Variants in IQCH observed in about 807,000 individuals in gnomAD.
IQCH encodes IQ domain-containing protein H.
In IQCH, 98 loss-of-function variants were observed where a neutral mutation model predicts 117.0. The ratio of observed to expected loss-of-function variants is 0.84; its 90% CI spans 0.71 to 0.99. The LOEUF is 0.99. IQCH is among the 50% of genes least tolerant of loss of function. The pLI is 0.00. For missense variants in IQCH, 1,102 were observed against 1,243.8 expected (o/e 0.89, Z 1.72); for synonymous variants, 412 against 448.2 (o/e 0.92, Z 1.02).
intron 4 of IQCH, among the ~76,000 whole-genome samples, chr15:67,308,205 T>C (rs1459404128): frequency 6.6e-6 from 1 of 152,198 alleles, no homozygotes; most frequent in East Asian, 1.9e-4. Flanking sequence ...TACTTCCTTC[T>C]GTGCTGCTTC....
chr15:67,298,168 G>A (rs1418808349), intron 4 of IQCH, among the ~76,000 whole-genome samples: 2 of 151,830 alleles, frequency 1.3e-5, no homozygotes, highest in African/African-American at 4.8e-5. Flanking sequence ...AATTAGCCAG[G>A]TGTGGTGTCG....
At chr15:67,326,736 G>A (rs893281532) in intron 4 of IQCH, among the ~76,000 whole-genome samples, 1 of 152,054 alleles carries the variant, frequency 6.6e-6, no homozygotes, top group Non-Finnish European at 1.5e-5. Context: ...TCTACAAGCA[G>A]CTTATAGAAA....
At chr15:67,313,293 A>C (rs1967689720) in intron 4 of IQCH, among the ~76,000 whole-genome samples, 1 of 152,144 alleles carries the variant, frequency 6.6e-6, no homozygotes, top group Admixed American at 6.5e-5. Flanking sequence ...TCCTGCTCTC[A>C]ATTCTGGTGC....
intron 4 of IQCH, among the ~76,000 whole-genome samples, chr15:67,336,710 G>A (rs1444630961): frequency 6.6e-6 from 1 of 152,040 alleles, no homozygotes. Flanking sequence ...AATCTTAATA[G>A]TTCTTTTATT....
At chr15:67,294,699 C>T (rs1271740602) in intron 4 of IQCH, among the ~76,000 whole-genome samples, 1 of 152,190 alleles carries the variant, frequency 6.6e-6, no homozygotes, top group East Asian at 1.9e-4. Flanking sequence ...AGGAACTGGG[C>T]CCCCAGTGGC....
In IQCH at chr15:67,407,257, A is replaced by G. The variant is rs1971946280; in HGVS notation, c.2097+6952A>G. ...TGAGTTGAATAAAGAGGCTTGACAA[A>G]GTAGAGATTATTCTGACCGGAAGAT... On this transcript the variant is annotated intron_variant, in intron 14 of 20. Transcript: ENST00000335894. The surrounding 1 kb of genome is among the most constrained non-coding windows in gnomAD (Gnocchi z 5.3). 6.6e-6 allele frequency: 1 copy of G among 152,238 alleles called. No individual in the cohort carries two copies. The highest frequency in any genetic ancestry group is 1.5e-5 in the Non-Finnish European group (1 of 68,044). The allele number at this position is 152,238 out of a possible 1,614,324, so 9.4% of individuals were successfully genotyped here.
intron 7 of IQCH, among the ~76,000 whole-genome samples, chr15:67,357,962 G>A (rs930735967): frequency 5.3e-5 from 8 of 151,804 alleles, no homozygotes; most frequent in South Asian, 2.1e-4. Flanking sequence ...GGGTTCAAGC[G>A]ATTCTCACGT....
chr15:67,433,877 C>T lies in IQCH; in HGVS notation c.2505+12300C>T, dbSNP rs1463135365. Among the ~76,000 whole-genome samples, 4 of 152,188 alleles carry T rather than the reference C, an allele frequency of 2.6e-5. No individual in the cohort carries two copies. Among genetic ancestry groups the T allele is most frequent in the African/African-American group, 9.7e-5 (4 of 41,446 alleles). ...AAGTTGTTTCTAGTTCCAGCTGTCACCTGTGGTCAAGACTTTTTATGTGAT... is the reference window on the plus strand; with the variant it reads ...AAGTTGTTTCTAGTTCCAGCTGTCATCTGTGGTCAAGACTTTTTATGTGAT... On this transcript the variant is annotated intron_variant, in intron 16 of 20. Coordinates refer to ENST00000335894, the MANE Select transcript of IQCH (RefSeq NM_001031715.3). This position sits in a 1 kb window ranked among gnomAD's most constrained non-coding sequence, Gnocchi z 5.4.
rs1206745612 is a variant in IQCH, at chr15:67,391,279, C to A, written c.1632+2273C>A. On this transcript the variant is annotated intron_variant, in intron 12 of 20. Coordinates refer to ENST00000335894, the MANE Select transcript of IQCH (RefSeq NM_001031715.3). The surrounding 1 kb of genome is among the most constrained non-coding windows in gnomAD (Gnocchi z 4.3). Reference sequence around the variant, plus strand: ...AATTATTTGAGTAATTACTCATAAGCAATCAACTTTTTAAAAATACAAAAA... The same window carrying A: ...AATTATTTGAGTAATTACTCATAAGAAATCAACTTTTTAAAAATACAAAAA... Among the ~76,000 whole-genome samples the A allele has an allele frequency of 1.3e-5, 2 of 152,188 alleles. No homozygotes were observed. Among genetic ancestry groups the A allele is most frequent in the Non-Finnish European group, 2.9e-5 (2 of 68,030 alleles).
chr15:67,497,230 C>T (rs1330033296), intron 20 of IQCH, among the ~76,000 whole-genome samples: 1 of 151,516 alleles, frequency 6.6e-6, no homozygotes, highest in Non-Finnish European at 1.5e-5. Context: ...ACTCAGGAGG[C>T]TGAGATGGGC....
In IQCH at chr15:67,494,164, T is replaced by C; in HGVS notation, c.2862-94T>C. 1.3e-6 allele frequency: 1 copy of C among 785,500 alleles called. No homozygotes were observed. Among genetic ancestry groups the C allele is most frequent in the Non-Finnish European group, 1.9e-6 (1 of 513,462 alleles). The allele number at this position is 785,500 out of a possible 1,614,324, so 48.7% of individuals were successfully genotyped here. On this transcript the variant is annotated intron_variant, in intron 19 of 20. Coordinates refer to ENST00000335894, the MANE Select transcript of IQCH (RefSeq NM_001031715.3). The surrounding 1 kb of genome is among the most constrained non-coding windows in gnomAD (Gnocchi z 5.5). ...GTGAGATTGAAAATACTCATTAAAT[T>C]CCATCACCAGACAGGCACAAATGAG... is the stretch of plus-strand genomic sequence containing the variant.
intron 6 of IQCH, among the ~76,000 whole-genome samples, chr15:67,350,905 T>C (rs573287922): frequency 2.0e-5 from 3 of 152,164 alleles, no homozygotes; most frequent in Middle Eastern, 3.4e-3. Context: ...AAGGAAAGCA[T>C]AGGGAGCTGT....
rs1325446889 is a variant in IQCH at position 67,465,856 on chromosome 15, TCCACAA to T, written c.2676+560_2676+565del. 1.3e-5 allele frequency among the ~76,000 whole-genome samples: 2 copies of T among 152,170 alleles called. No individual in the cohort carries two copies. The highest frequency in any genetic ancestry group is 2.9e-5 in the Non-Finnish European group (2 of 68,026). ...CCACTAACCTGACCCCTCCTCTCTCTCCACAAAGATAGTGTCTTAGTGTCGGCTTCC... is the reference window on the plus strand; with the variant it reads ...CCACTAACCTGACCCCTCCTCTCTCTAGATAGTGTCTTAGTGTCGGCTTCC... On this transcript the variant is annotated intron_variant, in intron 17 of 20. Coordinates refer to ENST00000335894, the MANE Select transcript of IQCH (RefSeq NM_001031715.3). The surrounding 1 kb of genome is among the most constrained non-coding windows in gnomAD (Gnocchi z 5.9).
Position 67,474,059 on chromosome 15 carries a change from G to A in IQCH, c.2677-1637G>A, listed in dbSNP as rs1033711693. ...GGGAGCATGTCACCAAAAGTGCCAC[G>A]AAATCTGAGTGTGTGTGTGTGTGTG... On this transcript the variant is annotated intron_variant, in intron 17 of 20. Transcript: ENST00000335894. The surrounding 1 kb of genome is among the most constrained non-coding windows in gnomAD (Gnocchi z 4.1). Among the ~76,000 whole-genome samples the A allele has an allele frequency of 1.6e-5, 2 of 126,822 alleles. No individual in the cohort carries two copies. The highest frequency in any genetic ancestry group is 4.4e-3 in the Middle Eastern group (1 of 228). 83.2% of individuals were successfully genotyped at this position (126,822 alleles called of 152,430 possible).
chr15:67,304,926 A>G (rs529386426), intron 4 of IQCH, among the ~76,000 whole-genome samples: 2 of 152,138 alleles, frequency 1.3e-5, no homozygotes, highest in South Asian at 4.1e-4. Context: ...ATGTCAGCAA[A>G]ATAGTGAGAG....
At chr15:67,265,831 A>G (rs1832518852) in intron 3 of IQCH, among the ~76,000 whole-genome samples, 1 of 152,222 alleles carries the variant, frequency 6.6e-6, no homozygotes, top group Non-Finnish European at 1.5e-5. Flanking sequence ...AGCAGGTTAC[A>G]GAGCCCAGAA....
intron 4 of IQCH, among the ~76,000 whole-genome samples, chr15:67,332,815 T>C (rs1968723108): frequency 6.6e-6 from 1 of 152,182 alleles, no homozygotes; most frequent in Admixed American, 6.5e-5. Context: ...AGAGTCAACT[T>C]TAACTCTAGA....
intron 1 of IQCH, among the ~76,000 whole-genome samples, chr15:67,260,970 C>T (rs901058878): frequency 6.6e-6 from 1 of 151,956 alleles, no homozygotes; most frequent in Non-Finnish European, 1.5e-5. Flanking sequence ...GTGGCAGGCA[C>T]CTGTAATCCC....
intron 16 of IQCH, among the ~76,000 whole-genome samples, chr15:67,435,659 G>A (rs1387121264): frequency 6.6e-6 from 1 of 152,006 alleles, no homozygotes; most frequent in Non-Finnish European, 1.5e-5. Flanking sequence ...GATCACTTGA[G>A]GTCAGGAGTT....
Sources: gnomAD v4.1 joint callset for allele counts (sites outside exome capture counted in the v4.1 genomes callset) on GRCh38, gnomAD v4.1.1 for gene constraint, Gnocchi (gnomAD v3.1) non-coding constraint, MANE v1.5 for transcripts, NCBI Gene and HGNC (gene_info 2026-07-23, HGNC 2026-07-21) for gene names.